The following RECK variants were observed in gnomAD, a reference collection of about 807,000 sequenced individuals.
RECK encodes the protein reversion-inducing cysteine-rich protein with Kazal motifs.
Under a neutral mutation model 115.1 loss-of-function variants are expected in RECK, and 69 were observed. The ratio of observed to expected loss-of-function variants is 0.60; its 90% CI spans 0.49 to 0.73. The LOEUF (loss-of-function observed/expected upper bound fraction) is 0.73, where lower values mean the gene tolerates loss of function less well. RECK is among the 30% of genes least tolerant of loss of function. The probability of loss-of-function intolerance (pLI) is 0.00; values close to 1 mark genes in which losing one functional copy is unlikely to be tolerated. For missense variants in RECK, 1,047 were observed against 1,203.7 expected (o/e 0.87, Z 1.93); for synonymous variants, 414 against 419.7 (o/e 0.99, Z 0.17).
At chr9:36,115,208 A>G (rs1051356978) in intron 16 of RECK, among the ~76,000 whole-genome samples, 2 of 151,372 alleles carry the variant, frequency 1.3e-5, no homozygotes, top group African/African-American at 2.4e-5. Context: ...CCAGCTACTC[A>G]GGAGGCTGAG....
intron 9 of RECK, among the ~76,000 whole-genome samples, chr9:36,088,244 T>G (rs76610959): frequency 0.011 from 1,634 of 152,318 alleles, 14 homozygotes; most frequent in African/African-American, 0.038. Flanking sequence ...AATTCTATCC[T>G]TATAGAGATC....
chr9:36,084,643 C>T lies in RECK; in HGVS notation c.637+1081C>T, dbSNP rs572569518. ...CTTGGAGGTGGAGGTTGCATTGAGC[C>T]GAGATTGTGCCACAGCACTCTAGCC... On this transcript the variant is annotated intron_variant, in intron 8 of 20. Coordinates refer to ENST00000377966, the MANE Select transcript of RECK (RefSeq NM_021111.3). 1.2e-4 allele frequency among the ~76,000 whole-genome samples: 18 copies of T among 150,848 alleles called. 1 individual carries two copies. In the Middle Eastern group the frequency reaches 0.01, roughly 86 times the overall value.
intron 1 of RECK, among the ~76,000 whole-genome samples, chr9:36,046,883 A>G (rs991969011): frequency 1.3e-5 from 2 of 152,198 alleles, no homozygotes; most frequent in Non-Finnish European, 2.9e-5. Flanking sequence ...TTTAATTGGA[A>G]AAAAAGGCTT....
Position 36,037,054 on chromosome 9 carries a change from C to A in RECK, c.56C>A (p.Ala19Glu). ...RGALLLLLAVAGVAEVAGGLA... is the reference protein window; with the variant it reads ...RGALLLLLAVEGVAEVAGGLA... ...GCGCTGCTCCTTCTGCTGGCCGTGG[C>A]GGGGGTCGCGGAGGTGGCAGGGGGC... The change falls in exon 1 of 21, where the codon GCG (alanine) becomes GAG (glutamate). Residue 19 changes from alanine (A) to glutamate (E), a missense_variant. Transcript: ENST00000377966. The A allele has an allele frequency of 1.4e-6, 2 of 1,395,950 alleles. No individual in the cohort carries two copies. Among genetic ancestry groups the A allele is most frequent in the Non-Finnish European group, 9.4e-7 (1 of 1,069,404 alleles). 86.5% of individuals were successfully genotyped at this position (1,395,950 alleles called of 1,614,324 possible).
chr9:36,064,544 T>C (rs2132589797), intron 5 of RECK, among the ~76,000 whole-genome samples: 1 of 152,266 alleles, frequency 6.6e-6, no homozygotes, highest in East Asian at 1.9e-4. Flanking sequence ...TGGAAAGCCT[T>C]CTCTTATTTT....
At chr9:36,081,320 A>C (rs896296488) in intron 7 of RECK, among the ~76,000 whole-genome samples, 2 of 152,196 alleles carry the variant, frequency 1.3e-5, no homozygotes, top group South Asian at 2.1e-4. Context: ...TTTATCTTCT[A>C]TCCTTTCTAA....
intron 1 of RECK, among the ~76,000 whole-genome samples, chr9:36,043,742 G>A (rs1226512415): frequency 1.3e-5 from 2 of 152,062 alleles, no homozygotes; most frequent in East Asian, 1.9e-4. Context: ...CATACAGTTT[G>A]CCAATTATCC....
In RECK at chr9:36,036,936, G is replaced by C; in HGVS notation, c.-63G>C. ...TCGCGCGAGCGGCGGCGGTAGCGGC[G>C]GCAGCGGCTGCGGCCAAGCTGGGTC... On this transcript the variant is annotated 5_prime_UTR_variant, in exon 1 of 21. Transcript: ENST00000377966. 2.7e-6 allele frequency: 3 copies of C among 1,110,928 alleles called. No homozygotes were observed. The highest frequency in any genetic ancestry group is 2.3e-6 in the Non-Finnish European group (2 of 863,318). 68.8% of individuals were successfully genotyped at this position (1,110,928 alleles called of 1,614,324 possible).
intron 6 of RECK, among the ~76,000 whole-genome samples, chr9:36,078,429 C>T (rs115910699): frequency 0.01 from 1,588 of 152,332 alleles, 31 homozygotes; most frequent in African/African-American, 0.034. Flanking sequence ...GTTTATCAGT[C>T]TTGGCACCAC....
chr9:36,116,176 TG>T (rs1237978068), intron 16 of RECK, among the ~76,000 whole-genome samples: 1 of 147,738 alleles, frequency 6.8e-6, no homozygotes, highest in Non-Finnish European at 1.5e-5. Context: ...TTGCCCAGGC[TG>T]GGGTGCAATG....
chr9:36,106,498 A>G (rs1165178075), intron 13 of RECK, among the ~76,000 whole-genome samples: 2 of 151,776 alleles, frequency 1.3e-5, no homozygotes, highest in Non-Finnish European at 2.9e-5. Flanking sequence ...TCAGCCTCTC[A>G]GAGTGCTGGG....
In RECK at chr9:36,063,812, G is replaced by A; in HGVS notation, c.289G>A (p.Asp97Asn). 6.2e-7 allele frequency: 1 copy of A among 1,614,070 alleles called. No individual in the cohort carries two copies. Among genetic ancestry groups the A allele is most frequent in the Non-Finnish European group, 8.5e-7 (1 of 1,179,928 alleles). Residue 97 changes from aspartate (D) to asparagine (N), a missense_variant, in exon 5 of 21, where the codon GAT becomes AAT. Transcript: ENST00000377966. The part of the protein sequence containing the change: ...SSLPGVFKKS[D>N]GWVGLGCCEL... Reference sequence around the variant, plus strand: ...TTTTTAAGGTGTGTTTAAGAAGTCTGATGGCTGGGTTGGCTTAGGCTGCTG... The same window carrying A: ...TTTTTAAGGTGTGTTTAAGAAGTCTAATGGCTGGGTTGGCTTAGGCTGCTG...
intron 6 of RECK, among the ~76,000 whole-genome samples, chr9:36,068,027 G>A (rs1822077824): frequency 6.6e-6 from 1 of 152,124 alleles, no homozygotes; most frequent in South Asian, 2.1e-4. Context: ...TAGGTAAAGT[G>A]GGACCAAATC....
chr9:36,118,954 C>T lies in RECK; in HGVS notation c.2451C>T (p.Pro817=), dbSNP rs141548175. The T allele has an allele frequency of 2.3e-5, 37 of 1,612,384 alleles. No individual in the cohort carries two copies. In the African/African-American group the frequency reaches 3.6e-4, roughly 16 times the overall value. The change falls in exon 18 of 21, where the codon CCC becomes CCT. Residue 817 remains proline (P), a synonymous_variant. Transcript: ENST00000377966. ...CGCTCTTGGCAGCTGGATGCAAACC[C>T]ATCATCCCACCGGGTAGGCTGGCAG... ...CPSLLAAGCK[P]IIPPGACCPL... is the part of the protein sequence containing the mutation.
At chr9:36,112,556 C>T (rs145869005) in intron 16 of RECK, 80 bp downstream of exon 16, 38 of 1,437,342 alleles carry the variant, frequency 2.6e-5, no homozygotes, top group East Asian at 2.1e-4. Context: ...ACAGTGAAAA[C>T]AGAAAGGTAA....
At chr9:36,058,597 A>G (rs1224786553) in intron 2 of RECK, among the ~76,000 whole-genome samples, 1 of 147,104 alleles carries the variant, frequency 6.8e-6, no homozygotes, top group Non-Finnish European at 1.5e-5. Context: ...GCACATGTAT[A>G]CATATGTAAC....
At chr9:36,060,027 C>A in intron 3 of RECK, 92 bp from the exon 4 acceptor site, 1 of 1,184,374 alleles carries the variant, frequency 8.4e-7, no homozygotes, top group Non-Finnish European at 1.3e-6. Flanking sequence ...TAGCCATAAT[C>A]AAATTAGCTG....
intron 6 of RECK, among the ~76,000 whole-genome samples, chr9:36,076,495 C>T (rs1822456503): frequency 6.6e-6 from 1 of 152,154 alleles, no homozygotes; most frequent in African/African-American, 2.4e-5. Flanking sequence ...GGTTTGCCCA[C>T]AGTTCATATG....
intron 10 of RECK, among the ~76,000 whole-genome samples, chr9:36,097,560 G>A (rs1353485887): frequency 6.6e-6 from 1 of 152,134 alleles, no homozygotes; most frequent in Admixed American, 6.5e-5. Flanking sequence ...GAAAAGGGAA[G>A]TCTTGTACAC....
Sources: allele counts gnomAD v4.1 joint callset (sites outside exome capture counted in the v4.1 genomes callset), GRCh38; gene constraint gnomAD v4.1.1; transcripts MANE v1.5; gene names NCBI Gene and HGNC (gene_info 2026-07-23, HGNC 2026-07-21).